The following CUX1 variants were observed in gnomAD, a reference collection of about 807,000 sequenced individuals.
CUX1 encodes protein CASP.
In CUX1, 31 loss-of-function variants were observed where a neutral mutation model predicts 158.8. The observed-to-expected ratio is 0.20, with a 90% CI of 0.15 to 0.26. CUX1 has a LOEUF of 0.26. Ranked by LOEUF, CUX1 falls within the 10% of genes least tolerant of loss-of-function variation. The pLI is 1.00. For missense variants in CUX1, 1,589 were observed against 2,014.6 expected (o/e 0.79, Z 4.04); for synonymous variants, 879 against 862.1 (o/e 1.02, Z -0.34).
At chr7:102,152,416 T>G (rs1473017209) in intron 8 of CUX1, among the ~76,000 whole-genome samples, 1 of 149,482 alleles carries the variant, frequency 6.7e-6, no homozygotes, top group African/African-American at 2.6e-5. Context: ...TGTTTGTTTG[T>G]TTTTGTTTGT....
In CUX1 at chr7:102,249,082, A is replaced by G. The variant is rs1554538605; in HGVS notation, c.*40A>G. 8.8e-6 allele frequency: 11 copies of G among 1,246,620 alleles called. No individual in the cohort carries two copies. The allele number at this position is 1,246,620 out of a possible 1,614,324, so 77.2% of individuals were successfully genotyped here. On this transcript the variant is annotated 3_prime_UTR_variant, in exon 24 of 24. Transcript: ENST00000292535. ...GGGGCGGGCAGCCAGGCTGGGCCGCAAGGGCCTGGACGGGGTCGGACGGGG... is the reference window on the plus strand; with the variant it reads ...GGGGCGGGCAGCCAGGCTGGGCCGCGAGGGCCTGGACGGGGTCGGACGGGG...
intron 10 of CUX1, among the ~76,000 whole-genome samples, chr7:102,173,783 C>T (rs1412966474): frequency 6.6e-6 from 1 of 152,166 alleles, no homozygotes; most frequent in Non-Finnish European, 1.5e-5. Context: ...TTAAACACTT[C>T]ATCATCGGTT....
At chr7:102,218,432 C>T (rs1295903719) in intron 20 of CUX1, among the ~76,000 whole-genome samples, 1 of 152,206 alleles carries the variant, frequency 6.6e-6, no homozygotes, top group Admixed American at 6.5e-5. Context: ...GCCTGTAATC[C>T]CAGCACTTTG....
intron 11 of CUX1, among the ~76,000 whole-genome samples, chr7:102,184,764 A>G (rs1364691510): frequency 6.6e-6 from 1 of 152,140 alleles, no homozygotes; most frequent in Non-Finnish European, 1.5e-5. Context: ...CTCCCACTTT[A>G]GCCTCCCAAG....
At chr7:102,206,904 C>CA (rs1420122741) in intron 20 of CUX1, among the ~76,000 whole-genome samples, 19 of 151,612 alleles carry the variant, frequency 1.3e-4, no homozygotes, top group Admixed American at 2.0e-4. Context: ...ATCTCAAAAA[C>CA]AAAAAAAACC....
chr7:102,211,778 TAAA>T (rs66627422), intron 20 of CUX1, among the ~76,000 whole-genome samples: 18 of 77,472 alleles, frequency 2.3e-4, no homozygotes, highest in African/African-American at 4.2e-4. Context: ...AAACTCCATC[TAAA>T]AAAAAAAAAA....
chr7:101,906,958 C>G (rs1802828199), intron 1 of CUX1, among the ~76,000 whole-genome samples: 1 of 152,164 alleles, frequency 6.6e-6, no homozygotes, highest in African/African-American at 2.4e-5. Flanking sequence ...CCCTGGCTTC[C>G]TGGTTCGAGA....
intron 14 of CUX1, among the ~76,000 whole-genome samples, chr7:102,267,073 C>T (rs564842966): frequency 9.7e-4 from 147 of 152,074 alleles, no homozygotes; most frequent in Non-Finnish European, 1.3e-3. Flanking sequence ...CATGGGGAGC[C>T]GGCTGGGGGG....
At chr7:102,144,854 G>A (rs1053700034) in intron 8 of CUX1, among the ~76,000 whole-genome samples, 1 of 151,896 alleles carries the variant, frequency 6.6e-6, no homozygotes, top group Non-Finnish European at 1.5e-5. Context: ...TTGGGAGGCC[G>A]AGGTGGGTGG....
intron 4 of CUX1, among the ~76,000 whole-genome samples, chr7:102,094,666 G>C (rs184775992): frequency 1.3e-5 from 2 of 152,318 alleles, no homozygotes; most frequent in East Asian, 3.9e-4. Context: ...ATAATTTGCT[G>C]GCACTTGTGC....
chr7:101,997,099 G>A lies in CUX1; in HGVS notation c.142-30999G>A, dbSNP rs191474416. On this transcript the variant is annotated intron_variant, in intron 2 of 23. Transcript: ENST00000292535. ...CCTGCCCATGGGGCTCTGTCTGCAG[G>A]GGAGCAGCCCCAAACACAGTCCTTG... Among the ~76,000 whole-genome samples, 459 of 152,196 alleles carry A rather than the reference G, an allele frequency of 3.0e-3. 9 individuals are homozygous for A. The highest frequency in any genetic ancestry group is 0.011 in the African/African-American group (445 of 41,474).
intron 2 of CUX1, among the ~76,000 whole-genome samples, chr7:101,995,038 G>T (rs577634203): frequency 7.8e-4 from 119 of 152,060 alleles, no homozygotes; most frequent in African/African-American, 2.8e-3. Context: ...TGAAGGTGCT[G>T]TGAGCTGCGA....
intron 1 of CUX1, among the ~76,000 whole-genome samples, chr7:101,850,290 A>T: frequency 6.6e-6 from 1 of 152,062 alleles, no homozygotes; most frequent in Non-Finnish European, 1.5e-5. Context: ...TTTTCTTCAA[A>T]ACATTTTTCA....
chr7:101,962,788 A>G (rs1585107376), intron 2 of CUX1, among the ~76,000 whole-genome samples: 1 of 152,082 alleles, frequency 6.6e-6, no homozygotes, highest in South Asian at 2.1e-4. Context: ...TGGTGCAATC[A>G]TAGCTCACTG....
chr7:102,041,180 C>G (rs934570790), intron 3 of CUX1, among the ~76,000 whole-genome samples: 1 of 149,834 alleles, frequency 6.7e-6, no homozygotes, highest in African/African-American at 2.4e-5. Flanking sequence ...GTGGTGGCAC[C>G]AGCTACTTGG....
chr7:101,970,569 T>C (rs953161490), intron 2 of CUX1, among the ~76,000 whole-genome samples: 1 of 152,150 alleles, frequency 6.6e-6, no homozygotes. Context: ...CTTTCTTTCT[T>C]TTTTGAAAAG....
At chr7:102,068,320 T>C (rs1190501871) in intron 3 of CUX1, among the ~76,000 whole-genome samples, 1 of 152,114 alleles carries the variant, frequency 6.6e-6, no homozygotes, top group Non-Finnish European at 1.5e-5. Flanking sequence ...GCTCATTATT[T>C]TGCCCAGGCT....
In CUX1 at chr7:102,248,287, G is replaced by T; in HGVS notation, c.3888-125G>T. 5.7e-6 allele frequency: 5 copies of T among 874,692 alleles called. No homozygotes were observed. The highest frequency in any genetic ancestry group is 1.8e-5 in the South Asian group (1 of 55,024). 54.2% of individuals were successfully genotyped at this position (874,692 alleles called of 1,614,324 possible). A position where few individuals can be genotyped will look rare whatever the true frequency, so the allele number is the denominator to read the frequency against. On this transcript the variant is annotated intron_variant, in intron 23 of 23. Coordinates refer to ENST00000292535, the MANE Select transcript of CUX1 (RefSeq NM_181552.4). The surrounding 1 kb of genome is among the most constrained non-coding windows in gnomAD (Gnocchi z 5.8). ...CCGTGGCCCGAGGGTCGCTGGAGGG[G>T]CACGGAGGGGCCTCCAGGCTGGACG...
intron 2 of CUX1, among the ~76,000 whole-genome samples, chr7:102,013,845 T>C (rs932849241): frequency 6.6e-6 from 1 of 152,010 alleles, no homozygotes; most frequent in African/African-American, 2.4e-5. Flanking sequence ...GCTGGGACCA[T>C]AGGCACACAC....
Sources: gnomAD v4.1 joint callset for allele counts (sites outside exome capture counted in the v4.1 genomes callset) on GRCh38, gnomAD v4.1.1 for gene constraint, Gnocchi (gnomAD v3.1) non-coding constraint, MANE v1.5 for transcripts, NCBI Gene and HGNC (gene_info 2026-07-23, HGNC 2026-07-21) for gene names.